The following NDUFA10 variants were observed in gnomAD, a reference collection of about 807,000 sequenced individuals.
The protein encoded by NDUFA10 is NADH dehydrogenase [ubiquinone] 1 alpha subcomplex subunit 10, mitochondrial.
In NDUFA10, 40 loss-of-function variants were observed where a neutral mutation model predicts 47.8. The observed-to-expected ratio is 0.84, with a 90% CI of 0.65 to 1.09. The LOEUF is 1.09. NDUFA10 is among the 50% of genes least tolerant of loss of function. NDUFA10 has a pLI of 0.00. For synonymous variants in NDUFA10, 183 were observed against 172.2 expected (o/e 1.06, Z -0.49); for missense variants, 413 against 451.1 (o/e 0.92, Z 0.76).
At position 239,959,071 on chromosome 2, in the gene NDUFA10, C is replaced by T. The variant is rs1207504617; in HGVS notation, c.*2047G>A. On this transcript the variant is annotated 3_prime_UTR_variant, in exon 10 of 10. Coordinates refer to ENST00000252711, the MANE Select transcript of NDUFA10 (RefSeq NM_004544.4). ...AGAGAAGAATTGGACAGTGTTTATT[C>T]ATCTTTCTCTGCTGAACATGCATGT... 2 of 985,338 alleles carry T rather than the reference C, an allele frequency of 2.0e-6. No homozygotes were observed. The highest frequency in any genetic ancestry group is 2.4e-6 in the Non-Finnish European group (2 of 829,954). 61.0% of individuals were successfully genotyped at this position (985,338 alleles called of 1,614,324 possible). A position where few individuals can be genotyped will look rare whatever the true frequency, so the allele number is the denominator to read the frequency against.
At chr2:239,942,028 CT>C (rs1441036565) in intron 4 of NDUFA10, among the ~76,000 whole-genome samples, 1 of 152,238 alleles carries the variant, frequency 6.6e-6, no homozygotes, top group Non-Finnish European at 1.5e-5. Flanking sequence ...CAAATGGATT[CT>C]GCATATTGAA....
chr2:240,018,319 C>T, intron 4 of NDUFA10: 1 of 1,271,692 alleles, frequency 7.9e-7, no homozygotes, highest in Non-Finnish European at 1.1e-6. Context: ...AGGTCCAGGG[C>T]TCCAATCTGC....
chr2:239,974,674 G>A (rs1245030910), intron 9 of NDUFA10, among the ~76,000 whole-genome samples: 3 of 152,236 alleles, frequency 2.0e-5, no homozygotes, highest in Non-Finnish European at 4.4e-5. Context: ...TTAAAAATAT[G>A]TGACACTCTA....
At chr2:239,910,522 C>A (rs575837126) in intron 4 of NDUFA10, among the ~76,000 whole-genome samples, 67 of 152,218 alleles carry the variant, frequency 4.4e-4, no homozygotes, top group Non-Finnish European at 1.2e-4. Flanking sequence ...ATGATGAGAA[C>A]ACGGACACAT....
intron 8 of NDUFA10, among the ~76,000 whole-genome samples, chr2:239,990,588 T>C (rs961615518): frequency 6.6e-6 from 1 of 152,214 alleles, no homozygotes; most frequent in Admixed American, 6.5e-5. Context: ...ATTTTCCAGA[T>C]GAGTGGATCT....
chr2:240,000,314 G>C (rs1205577865), intron 8 of NDUFA10, among the ~76,000 whole-genome samples: 1 of 152,184 alleles, frequency 6.6e-6, no homozygotes, highest in African/African-American at 2.4e-5. Context: ...AGTGAGAAAG[G>C]TGTGGAGGTG....
At chr2:239,917,885 C>T (rs1319841261) in intron 4 of NDUFA10, among the ~76,000 whole-genome samples, 1 of 152,202 alleles carries the variant, frequency 6.6e-6, no homozygotes, top group East Asian at 1.9e-4. Flanking sequence ...AAGATGGCAG[C>T]TATGGCAGGT....
intron 5 of NDUFA10, chr2:239,895,175 C>A: frequency 4.7e-6 from 2 of 421,446 alleles, no homozygotes. Flanking sequence ...CTCCAGGATG[C>A]CTGCCAGGCC....
chr2:239,899,471 G>GAATGT (rs1693500305), intron 4 of NDUFA10, among the ~76,000 whole-genome samples: 1 of 119,752 alleles, frequency 8.4e-6, no homozygotes, highest in Non-Finnish European at 2.0e-5. Context: ...TGTGACGGAG[G>GAATGT]GGTGTGATGG....
In NDUFA10 at chr2:240,021,396, A is replaced by C; in HGVS notation, c.261T>G (p.Pro87=). 1 of 1,614,194 alleles carries C rather than the reference A, an allele frequency of 6.2e-7. No individual in the cohort carries two copies. The highest frequency in any genetic ancestry group is 2.2e-5 in the East Asian group (1 of 44,886). ...IAEKLGFKHF[P]EAGIHYPDST... ...TGTCTGGATAATGAATCCCCGCTTC[A>C]GGAAAGTGCTTGAAGCCTGAAAAGA... The change falls in exon 3 of 10, where the codon CCT becomes CCG. Residue 87 remains proline (P), a synonymous_variant. Transcript: ENST00000252711.
intron 4 of NDUFA10, among the ~76,000 whole-genome samples, chr2:239,918,722 A>C (rs964348019): frequency 3.9e-5 from 6 of 152,134 alleles, no homozygotes; most frequent in Non-Finnish European, 8.8e-5. Context: ...CCTCATCCTC[A>C]CAGAACAAAG....
At chr2:239,986,163 A>G (rs1187108466) in intron 9 of NDUFA10, among the ~76,000 whole-genome samples, 1 of 152,260 alleles carries the variant, frequency 6.6e-6, no homozygotes, top group Non-Finnish European at 1.5e-5. Flanking sequence ...AAAAGCCAGA[A>G]GTATAAAAAA....
intron 9 of NDUFA10, among the ~76,000 whole-genome samples, chr2:239,973,978 GAACACAGTGGCAA>G (rs1400322698): frequency 6.6e-6 from 1 of 152,114 alleles, no homozygotes; most frequent in African/African-American, 2.4e-5. Flanking sequence ...GCCCAGGCTA[GAACACAGTGGCAA>G]TTCTGGCCCA....
chr2:239,974,394 A>T (rs1351494170), intron 9 of NDUFA10, among the ~76,000 whole-genome samples: 5 of 152,170 alleles, frequency 3.3e-5, no homozygotes, highest in Non-Finnish European at 7.3e-5. Flanking sequence ...AAAAATCATA[A>T]ACCCTTCTAT....
At chr2:239,899,406 C>CAGAGGTGTGATGGAGGGGTGTGATGG (rs1360263877) in intron 4 of NDUFA10, among the ~76,000 whole-genome samples, 1 of 57,514 alleles carries the variant, frequency 1.7e-5, no homozygotes, top group Non-Finnish European at 3.7e-5. Flanking sequence ...AGGTATGATG[C>CAGAGGTGTGATGGAGGGGTGTGATGG]AGAGGTGTGA....
chr2:239,933,933 T>A (rs1300328254), intron 4 of NDUFA10, among the ~76,000 whole-genome samples: 1 of 152,172 alleles, frequency 6.6e-6, no homozygotes, highest in Non-Finnish European at 1.5e-5. Flanking sequence ...TCACAGCTCA[T>A]TGCAGCCTTG....
chr2:240,004,182 G>C (rs1696845514), intron 8 of NDUFA10, among the ~76,000 whole-genome samples: 1 of 152,136 alleles, frequency 6.6e-6, no homozygotes, highest in Non-Finnish European at 1.5e-5. Flanking sequence ...AGGGAGTGGA[G>C]AAGAGGGGCA....
At chr2:239,966,124 T>A (rs1695048720) in intron 9 of NDUFA10, among the ~76,000 whole-genome samples, 1 of 152,210 alleles carries the variant, frequency 6.6e-6, no homozygotes, top group Non-Finnish European at 1.5e-5. Context: ...CAGTCCCTGG[T>A]GGCCCACCGG....
intron 5 of NDUFA10, chr2:240,012,474 A>G (rs2106483100): frequency 6.6e-6 from 1 of 152,302 alleles, no homozygotes; most frequent in East Asian, 1.9e-4. Context: ...GTGGATGCTC[A>G]ATCAACACTT....
Sources: allele counts gnomAD v4.1 joint callset (sites outside exome capture counted in the v4.1 genomes callset), GRCh38; gene constraint gnomAD v4.1.1; transcripts MANE v1.5; gene names NCBI Gene and HGNC (gene_info 2026-07-23, HGNC 2026-07-21).